Variants in RPL3L observed in about 807,000 individuals in gnomAD.
RPL3L encodes the protein ribosomal protein uL3-like.
Under a neutral mutation model 44.5 loss-of-function variants are expected in RPL3L, and 44 were observed. The observed-to-expected ratio is 0.99, with a 90% CI of 0.78 to 1.27. The LOEUF is 1.27. RPL3L is among the 50% of genes most tolerant of loss of function. The pLI is 0.00. For missense variants in RPL3L, 631 were observed against 569.1 expected, an observed-to-expected ratio of 1.11 and a Z score of -1.11; for synonymous variants, 292 against 230.7, an observed-to-expected ratio of 1.27 and a Z score of -2.41.
chr16:1,947,377 T>G lies in RPL3L; in HGVS notation c.505A>C (p.Lys169Gln), dbSNP rs375617582. The G allele has an allele frequency of 6.3e-7, 1 of 1,580,188 alleles. No homozygotes were observed. Among genetic ancestry groups the G allele is most frequent in the Non-Finnish European group, 8.6e-7 (1 of 1,164,612 alleles). ...TTCTTCTGCCGGAAGGGCAGCAGTTTCATCTGCAGGACATGGCCGGAGGTC... is the reference window on the plus strand; with the variant it reads ...TTCTTCTGCCGGAAGGGCAGCAGTTGCATCTGCAGGACATGGCCGGAGGTC... Reference protein sequence around the residue: ...VIRVIVHTQMKLLPFRQKKAH... With the variant: ...VIRVIVHTQMQLLPFRQKKAH... Residue 169 changes from lysine (K) to glutamine (Q), a missense_variant, in exon 5 of 10, where the codon AAA becomes CAA. By Grantham distance (53) the Lys-to-Gln change is moderately conservative (BLOSUM62 1). Coordinates refer to ENST00000268661, the MANE Select transcript of RPL3L (RefSeq NM_005061.3).
At position 1,951,014 on chromosome 16, in the gene RPL3L, C is replaced by G. The variant is rs1597028760; in HGVS notation, c.366-35G>C. ...GCACAGGAGGGTGCTCAGAAGCCCC[C>G]AACCGGGGCAGCTCCCCAGGCCTAT... On this transcript the variant is annotated intron_variant, in intron 3 of 9. Coordinates refer to ENST00000268661, the MANE Select transcript of RPL3L (RefSeq NM_005061.3). 5.0e-6 allele frequency: 8 copies of G among 1,606,352 alleles called. No individual in the cohort carries two copies. The East Asian group carries it at 1.8e-4, about 36-fold the overall frequency.
intron 2 of RPL3L, 80 bp downstream of exon 2, chr16:1,953,876 A>C (rs2083188615): frequency 2.2e-6 from 3 of 1,352,172 alleles, no homozygotes; most frequent in Admixed American, 3.3e-5. Context: ...CCCTGTCTGG[A>C]CCAAAAGCGT....
intron 4 of RPL3L, among the ~76,000 whole-genome samples, chr16:1,950,415 C>G (rs1485313972): frequency 6.6e-6 from 1 of 151,966 alleles, no homozygotes; most frequent in African/African-American, 2.4e-5. Context: ...CCTCGGGAAG[C>G]CTTCCCTGAG....
chr16:1,950,694 G>T (rs1157267618), intron 4 of RPL3L, 150 bp downstream of exon 4: 2 of 1,219,506 alleles, frequency 1.6e-6, no homozygotes, highest in African/African-American at 3.0e-5. Flanking sequence ...GCCTGGGGCT[G>T]CACGTGGCCA....
intron 4 of RPL3L, among the ~76,000 whole-genome samples, chr16:1,950,280 T>G (rs2083163281): frequency 6.6e-6 from 1 of 151,708 alleles, no homozygotes; most frequent in African/African-American, 2.4e-5. Context: ...TCTGCCTGCC[T>G]GGAGTCTGTC....
At chr16:1,947,938 A>ATTTTT (rs1158555053) in intron 4 of RPL3L, among the ~76,000 whole-genome samples, 2 of 109,996 alleles carry the variant, frequency 1.8e-5, no homozygotes, top group Admixed American at 9.9e-5. Context: ...ATCTGATTGG[A>ATTTTT]TTTTTTTTTT....
Position 1,947,642 on chromosome 16 carries a change from G to T in RPL3L, c.502-262C>A, listed in dbSNP as rs116588826. Among the ~76,000 whole-genome samples, 546 of 152,318 alleles carry T rather than the reference G, an allele frequency of 3.6e-3. 7 individuals are homozygous for T. The highest frequency in any genetic ancestry group is 0.013 in the African/African-American group (522 of 41,566). On this transcript the variant is annotated intron_variant, in intron 4 of 9. Transcript: ENST00000268661. ...AAGTAACTCTTGGAGAGGACAGAGT[G>T]CTCTGATGGGCTATGGGGGCTGGTG...
Position 1,944,543 on chromosome 16 carries a change from C to CAA in RPL3L, c.*292_*293dup, listed in dbSNP as rs1332927269. ...CTGGGCGACAAGATCAAGACTCTCT[C>CAA]AAAAAAAAAAAAAAAAAAAACCTCT... On this transcript the variant is annotated 3_prime_UTR_variant, in exon 10 of 10. Coordinates refer to ENST00000268661, the MANE Select transcript of RPL3L (RefSeq NM_005061.3). 6.5e-3 allele frequency: 712 copies of CAA among 109,824 alleles called. No individual in the cohort carries two copies. Among genetic ancestry groups the CAA allele is most frequent in the South Asian group, 0.016 (112 of 6,848 alleles). 6.8% of individuals were successfully genotyped at this position (109,824 alleles called of 1,614,324 possible).
chr16:1,944,860 G>T lies in RPL3L; in HGVS notation c.1201C>A (p.Pro401Thr). 2 of 1,614,052 alleles carry T rather than the reference G, an allele frequency of 1.2e-6. No homozygotes were observed. The highest frequency in any genetic ancestry group is 2.2e-5 in the South Asian group (2 of 91,080). Residue 401 changes from proline (P) to threonine (T), a missense_variant, in exon 10 of 10, where the codon CCG (proline) becomes ACG (threonine). Pro to Thr is a conservative substitution (Grantham distance 38, BLOSUM62 -1). Transcript: ENST00000268661. Reference protein sequence around the residue: ...PQKKHLEKETPETSGDL With the variant: ...PQKKHLEKETTETSGDL ...GCCTACAAGTCTCCCGAGGTCTCCG[G>T]CGTTTCCTTCTCCAGATGCTTCTTT...
intron 3 of RPL3L, among the ~76,000 whole-genome samples, chr16:1,951,554 G>T (rs2083171869): frequency 6.6e-6 from 1 of 151,852 alleles, no homozygotes; most frequent in Admixed American, 6.6e-5. Flanking sequence ...CTAATTTTTT[G>T]TATTTTTTTG....
At chr16:1,953,928 T>C (rs758518541) in intron 2 of RPL3L, 28 bp downstream of exon 2, 1 of 1,470,198 alleles carries the variant, frequency 6.8e-7, no homozygotes, top group South Asian at 1.4e-5. Context: ...GCCCTCCCCC[T>C]CCCCCAAGGG....
intron 6 of RPL3L, 64 bp from the exon 7 acceptor site, chr16:1,946,790 C>G: frequency 1.9e-6 from 3 of 1,595,096 alleles, no homozygotes; most frequent in South Asian, 2.2e-5. Flanking sequence ...CCCATCCAGG[C>G]CCATCCGCCC....
At chr16:1,952,441 A>T (rs1463873017) in intron 3 of RPL3L, among the ~76,000 whole-genome samples, 1 of 152,064 alleles carries the variant, frequency 6.6e-6, no homozygotes, top group Non-Finnish European at 1.5e-5. Context: ...CAGTGGCACG[A>T]TCTCAGCTCA....
chr16:1,951,811 C>G (rs1217291969), intron 3 of RPL3L, among the ~76,000 whole-genome samples: 2 of 150,168 alleles, frequency 1.3e-5, no homozygotes, highest in South Asian at 2.1e-4. Context: ...TCTTTCAGGA[C>G]TTACTGCCAG....
Sources: allele counts gnomAD v4.1 joint callset (sites outside exome capture counted in the v4.1 genomes callset), GRCh38; gene constraint gnomAD v4.1.1; transcripts MANE v1.5; gene names NCBI Gene and HGNC (gene_info 2026-07-23, HGNC 2026-07-21).